Variants in PKHD1L1 observed in about 807,000 individuals in gnomAD.
The protein encoded by PKHD1L1 is fibrocystin-L.
Under a neutral mutation model 462.9 loss-of-function variants are expected in PKHD1L1, and 434 were observed. The ratio of observed to expected loss-of-function variants is 0.94; its 90% confidence interval spans 0.87 to 1.02. PKHD1L1 has a LOEUF of 1.02. Among genes scored for constraint, PKHD1L1 ranks in the 50% least tolerant of loss-of-function variants. The pLI, the probability that PKHD1L1 is intolerant of heterozygous loss-of-function variation, is 0.00. For missense variants in PKHD1L1, 5,202 were observed against 5,096.1 expected (o/e 1.02, Z -0.63); for synonymous variants, 1,781 against 1,750.0 (o/e 1.02, Z -0.44).
chr8:109,448,418 A>G (rs2130773283), intron 39 of PKHD1L1, 27 bp downstream of exon 39: 1 of 1,566,732 alleles, frequency 6.4e-7, no homozygotes, highest in Non-Finnish European at 8.7e-7. Context: ...AAGAACCTGC[A>G]GATATTTTGT....
At chr8:109,480,256 C>A in intron 55 of PKHD1L1, 117 bp downstream of exon 55, 1 of 1,096,502 alleles carries the variant, frequency 9.1e-7, no homozygotes, top group Non-Finnish European at 1.3e-6. Context: ...ACAACTGGCT[C>A]TATCCCATTA....
Position 109,421,985 on chromosome 8 carries a change from T to A in PKHD1L1, c.2697+1295T>A, listed in dbSNP as rs116736188. 4.7e-3 allele frequency among the ~76,000 whole-genome samples: 722 copies of A among 152,290 alleles called. 7 individuals carry two copies. Among genetic ancestry groups the A allele is most frequent in the African/African-American group, 0.016 (669 of 41,552 alleles). On this transcript the variant is annotated intron_variant, in intron 23 of 77. Transcript: ENST00000378402. ...TAAAAAAATTCAAGTGATAGGTACA[T>A]GTAATAAATAATATGCACATATGTT...
intron 41 of PKHD1L1, 55 bp from the exon 42 acceptor site, chr8:109,452,069 G>T: frequency 6.6e-7 from 1 of 1,506,684 alleles, no homozygotes; most frequent in East Asian, 2.4e-5. Context: ...GTTTGACAGT[G>T]TGATCTAGAT....
At chr8:109,470,491 C>A in intron 50 of PKHD1L1, 1 of 1,610,086 alleles carries the variant, frequency 6.2e-7, no homozygotes, top group Non-Finnish European at 8.5e-7. Context: ...GGAAGCATCA[C>A]AGCAACTGGC....
intron 8 of PKHD1L1, 124 bp downstream of exon 8, chr8:109,389,276 T>C: frequency 1.5e-6 from 1 of 672,830 alleles, no homozygotes; most frequent in Non-Finnish European, 2.4e-6. Context: ...GTTTGTTTTT[T>C]GTATTTTCTC....
chr8:109,529,463 G>A (rs1820971532), intron 77 of PKHD1L1, among the ~76,000 whole-genome samples: 1 of 151,928 alleles, frequency 6.6e-6, no homozygotes, highest in Non-Finnish European at 1.5e-5. Context: ...AAAATATAAG[G>A]TCTAATTGGC....
At chr8:109,398,282 A>G (rs1385297862) in intron 11 of PKHD1L1, among the ~76,000 whole-genome samples, 177 bp from the exon 12 acceptor site, 1 of 152,202 alleles carries the variant, frequency 6.6e-6, no homozygotes, top group African/African-American at 2.4e-5. Context: ...TTTTGGAAGT[A>G]TGACAATTAT....
chr8:109,373,256 T>G (rs1177694131), intron 2 of PKHD1L1, among the ~76,000 whole-genome samples: 1 of 152,222 alleles, frequency 6.6e-6, no homozygotes, highest in African/African-American at 2.4e-5. Context: ...TCGAGGAATT[T>G]ATCCATTTCT....
intron 41 of PKHD1L1, among the ~76,000 whole-genome samples, chr8:109,451,877 T>C (rs1816537906): frequency 6.6e-6 from 1 of 152,234 alleles, no homozygotes; most frequent in African/African-American, 2.4e-5. Context: ...TCACTGTTTC[T>C]TTCCCCAACA....
At chr8:109,434,953 T>G (rs1222091189) in intron 28 of PKHD1L1, among the ~76,000 whole-genome samples, 1 of 152,166 alleles carries the variant, frequency 6.6e-6, no homozygotes, top group Non-Finnish European at 1.5e-5. Context: ...GATTGATTAC[T>G]TTGCTTTCAC....
intron 5 of PKHD1L1, among the ~76,000 whole-genome samples, chr8:109,384,616 C>A (rs1812339074): frequency 6.6e-6 from 1 of 151,774 alleles, no homozygotes; most frequent in African/African-American, 2.4e-5. Flanking sequence ...TCACCTCCCA[C>A]CCCCACCACT....
intron 23 of PKHD1L1, among the ~76,000 whole-genome samples, chr8:109,421,541 G>A (rs1422063011): frequency 6.6e-6 from 1 of 151,910 alleles, no homozygotes; most frequent in Non-Finnish European, 1.5e-5. Context: ...CCAGCACTTT[G>A]GGAGGCCGAG....
chr8:109,441,643 T>A (rs1030981537), intron 34 of PKHD1L1, among the ~76,000 whole-genome samples: 5 of 152,162 alleles, frequency 3.3e-5, no homozygotes, highest in Non-Finnish European at 7.4e-5. Context: ...CCCAGATTGT[T>A]GTAGTTTATT....
At chr8:109,443,611 G>A in intron 36 of PKHD1L1, 65 bp from the exon 37 acceptor site, 1 of 1,270,324 alleles carries the variant, frequency 7.9e-7, no homozygotes, top group Non-Finnish European at 1.1e-6. Flanking sequence ...GAGTAACGCA[G>A]TTTGAAAACA....
chr8:109,426,239 A>G (rs968636072), intron 24 of PKHD1L1, among the ~76,000 whole-genome samples: 1 of 151,184 alleles, frequency 6.6e-6, no homozygotes, highest in Non-Finnish European at 1.5e-5. Context: ...TAACATTGTT[A>G]TTAATTTAAT....
chr8:109,436,725 A>G (rs553310774), intron 30 of PKHD1L1, among the ~76,000 whole-genome samples: 7 of 152,338 alleles, frequency 4.6e-5, no homozygotes, highest in East Asian at 3.9e-4. Flanking sequence ...ATTTGAATTA[A>G]TAGAAGTAGT....
At position 109,408,143 on chromosome 8, in the gene PKHD1L1, A is replaced by T; in HGVS notation, c.1908A>T (p.Thr636=). 6.2e-7 allele frequency: 1 copy of T among 1,613,402 alleles called. No individual in the cohort carries two copies. The highest frequency in any genetic ancestry group is 8.5e-7 in the Non-Finnish European group (1 of 1,179,468). Residue 636 remains threonine (T), a synonymous_variant, in exon 18 of 78, where the codon ACA becomes ACT. Transcript: ENST00000378402. ...EQTKGKPNLE[T]FTLNWDGIAS... is the part of the protein sequence containing the mutation. ...CCAAAGGAAAACCCAACTTGGAGAC[A>T]TTCACACTGAATTGGGATGGGATCG... is the stretch of plus-strand genomic sequence containing the variant.
intron 63 of PKHD1L1, among the ~76,000 whole-genome samples, chr8:109,494,045 TA>T (rs1004143366): frequency 2.0e-5 from 3 of 151,828 alleles, no homozygotes; most frequent in African/African-American, 7.2e-5. Context: ...CCACCATTTT[TA>T]AAAAAACGGC....
intron 26 of PKHD1L1, 91 bp downstream of exon 26, chr8:109,429,553 T>G: frequency 1.7e-6 from 2 of 1,201,444 alleles, no homozygotes; most frequent in South Asian, 1.4e-5. Flanking sequence ...AACAGGAGGT[T>G]TGACTTCTGT....
Sources: allele counts gnomAD v4.1 joint callset (sites outside exome capture counted in the v4.1 genomes callset), GRCh38; gene constraint gnomAD v4.1.1; transcripts MANE v1.5; gene names NCBI Gene and HGNC (gene_info 2026-07-23, HGNC 2026-07-21).